The following TTBK2 variants were observed in gnomAD, a reference collection of about 807,000 sequenced individuals.
The protein encoded by TTBK2 is tau tubulin kinase 2, also known as tau-tubulin kinase 2.
A neutral mutation model predicts 110.8 loss-of-function variants in TTBK2; 28 were observed. The observed-to-expected ratio is 0.25, with a 90% CI of 0.19 to 0.35. TTBK2 has a LOEUF of 0.35. TTBK2 is among the 10% of genes least tolerant of loss of function. TTBK2 has a pLI of 1.00. For missense variants in TTBK2, 1,369 were observed against 1,500.3 expected (o/e 0.91, Z 1.45); for synonymous variants, 532 against 527.3 (o/e 1.01, Z -0.12).
At chr15:42,810,580 ATAAC>A (rs1382145770) in intron 9 of TTBK2, 30 bp downstream of exon 9, 3 of 1,612,392 alleles carry the variant, frequency 1.9e-6, no homozygotes, top group Non-Finnish European at 2.5e-6. Context: ...AAGAGAGAAA[ATAAC>A]TAACCCACAG....
chr15:42,843,081 G>GT (rs1567055350), intron 3 of TTBK2, among the ~76,000 whole-genome samples: 1 of 152,116 alleles, frequency 6.6e-6, no homozygotes. Context: ...TACAGGGACC[G>GT]TATCTATCTT....
intron 11 of TTBK2, among the ~76,000 whole-genome samples, chr15:42,781,699 T>A (rs1595903277): frequency 6.6e-6 from 1 of 152,146 alleles, no homozygotes; most frequent in African/African-American, 2.4e-5. Context: ...CCTGTTGTCT[T>A]TATGTCACTG....
At chr15:42,912,624 T>C (rs1349723527) in intron 1 of TTBK2, among the ~76,000 whole-genome samples, 1 of 151,738 alleles carries the variant, frequency 6.6e-6, no homozygotes, top group Non-Finnish European at 1.5e-5. Flanking sequence ...GGCAGGAGAA[T>C]TGCTTGAACC....
chr15:42,893,795 A>C (rs987170175), intron 1 of TTBK2, among the ~76,000 whole-genome samples: 2 of 152,208 alleles, frequency 1.3e-5, no homozygotes, highest in African/African-American at 4.8e-5. Flanking sequence ...AGGGGTTATC[A>C]CTATAGACTC....
chr15:42,823,493 A>T (rs2140967637), intron 6 of TTBK2, among the ~76,000 whole-genome samples: 1 of 152,332 alleles, frequency 6.6e-6, no homozygotes, highest in African/African-American at 2.4e-5. Flanking sequence ...ACACTCCATC[A>T]TTCCCTCTGT....
upstream of TTBK2, among the ~76,000 whole-genome samples, chr15:42,920,996 C>T (rs2031342873): frequency 6.6e-6 from 1 of 152,176 alleles, no homozygotes; most frequent in Non-Finnish European, 1.5e-5. Context: ...CGGAGAATTG[C>T]CGCTATCTTC....
intron 3 of TTBK2, among the ~76,000 whole-genome samples, chr15:42,864,605 T>C (rs1318508964): frequency 6.6e-6 from 1 of 151,452 alleles, no homozygotes; most frequent in Non-Finnish European, 1.5e-5. Flanking sequence ...AAAAAAAAAG[T>C]GTTCAGAGAA....
At chr15:42,789,747 T>C (rs902938113) in intron 10 of TTBK2, among the ~76,000 whole-genome samples, 1 of 151,610 alleles carries the variant, frequency 6.6e-6, no homozygotes, top group Non-Finnish European at 1.5e-5. Flanking sequence ...AAAATAAATA[T>C]AGAAAAATAA....
Position 42,752,943 on chromosome 15 carries a change from C to G in TTBK2, c.2303G>C (p.Arg768Thr). The G allele has an allele frequency of 1.2e-6, 2 of 1,614,236 alleles. No homozygotes were observed. The highest frequency in any genetic ancestry group is 1.7e-6 in the Non-Finnish European group (2 of 1,180,040). Residue 768 changes from arginine (R) to threonine (T), a missense_variant, in exon 14 of 15, where the codon AGA becomes ACA. Physicochemically the swap from Arg to Thr is moderately conservative, Grantham distance 71 (BLOSUM62 -1). This residue lies in a region of TTBK2 where 1,097 missense variants were observed against 1,114.7 expected (regional missense o/e 0.98). Transcript: ENST00000267890. ...TTCCCCAGGGAGATTTTCAAATTCT[C>G]TCACAACCAGTCTATTATGATCAGG... is the stretch of plus-strand genomic sequence containing the variant. ...ELPDHNRLVVREFENLPGETE... is the reference protein window; with the variant it reads ...ELPDHNRLVVTEFENLPGETE...
At chr15:42,846,742 G>C (rs58506324) in intron 3 of TTBK2, among the ~76,000 whole-genome samples, 10,378 of 152,226 alleles carry the variant, frequency 0.068, 944 homozygotes, top group African/African-American at 0.2. Flanking sequence ...CAGGACAGGG[G>C]CAGTCACCAG....
intron 1 of TTBK2, among the ~76,000 whole-genome samples, chr15:42,913,644 A>C (rs2030916429): frequency 6.6e-6 from 1 of 152,198 alleles, no homozygotes; most frequent in African/African-American, 2.4e-5. Flanking sequence ...TCTCAAAAAA[A>C]AAAAAGTAAA....
At chr15:42,843,454 G>A (rs931591056) in intron 3 of TTBK2, among the ~76,000 whole-genome samples, 2 of 152,078 alleles carry the variant, frequency 1.3e-5, no homozygotes, top group African/African-American at 2.4e-5. Context: ...GTCACTAGCT[G>A]GTGGTGATAA....
chr15:42,784,339 G>A (rs1890314084), intron 10 of TTBK2, among the ~76,000 whole-genome samples: 1 of 151,858 alleles, frequency 6.6e-6, no homozygotes, highest in Non-Finnish European at 1.5e-5. Context: ...GTGCAGTGAC[G>A]CGATCTCGGC....
chr15:42,762,405 A>C (rs1244750970), intron 13 of TTBK2, among the ~76,000 whole-genome samples: 1 of 152,190 alleles, frequency 6.6e-6, no homozygotes, highest in Non-Finnish European at 1.5e-5. Context: ...GTACAACAAC[A>C]GATGAGTGGA....
In TTBK2 at chr15:42,739,081, G is replaced by A. The variant is rs916304129; in HGVS notation, c.*6714C>T. 3 of 152,154 alleles carry A rather than the reference G, an allele frequency of 2.0e-5. No individual in the cohort carries two copies. Among genetic ancestry groups the A allele is most frequent in the Admixed American group, 2.0e-4 (3 of 15,270 alleles). 9.4% of individuals were successfully genotyped at this position (152,154 alleles called of 1,614,324 possible). A position where few individuals can be genotyped will look rare whatever the true frequency, so the allele number is the denominator to read the frequency against. ...TACAAAGCTTTAATATGATACAAAT[G>A]GGAAAATTAAATAAATAATTACACT... On this transcript the variant is annotated 3_prime_UTR_variant, in exon 15 of 15. Transcript: ENST00000267890.
rs554115965 is a variant in TTBK2 at position 42,820,903 on chromosome 15, G to A, written c.538-3806C>T. Reference sequence around the variant, plus strand: ...CACACACCTATAGCCCCAGCTACCAGCTACTTGGGAGGCTGAGATGGGAGA... The same window carrying A: ...CACACACCTATAGCCCCAGCTACCAACTACTTGGGAGGCTGAGATGGGAGA... On this transcript the variant is annotated intron_variant, in intron 6 of 14. Transcript: ENST00000267890. Among the ~76,000 whole-genome samples the A allele has an allele frequency of 2.6e-5, 4 of 152,236 alleles. No individual in the cohort carries two copies. In the South Asian group the frequency reaches 8.3e-4, roughly 32 times the overall value.
intron 1 of TTBK2, among the ~76,000 whole-genome samples, chr15:42,908,920 A>G (rs2030578869): frequency 6.6e-6 from 1 of 152,238 alleles, no homozygotes; most frequent in Admixed American, 6.5e-5. Context: ...CGTCCTGTAT[A>G]TATATTCATA....
intron 1 of TTBK2, among the ~76,000 whole-genome samples, chr15:42,910,172 T>C (rs1168631237): frequency 1.3e-5 from 2 of 151,896 alleles, no homozygotes. Flanking sequence ...ATAATAGTTA[T>C]ATAAACCAGA....
chr15:42,795,945 G>A (rs1039965154), intron 9 of TTBK2, among the ~76,000 whole-genome samples: 1 of 151,750 alleles, frequency 6.6e-6, no homozygotes, highest in Admixed American at 6.6e-5. Flanking sequence ...GACCAGTTAA[G>A]AGATTACTGT....
Sources: gnomAD v4.1 joint callset for allele counts (sites outside exome capture counted in the v4.1 genomes callset) on GRCh38, gnomAD v4.1.1 for gene constraint, gnomAD v4.1.1 regional missense constraint, MANE v1.5 for transcripts, NCBI Gene and HGNC (gene_info 2026-07-23, HGNC 2026-07-21) for gene names.